Variants in ERC2 observed in about 807,000 individuals in gnomAD.
The protein encoded by ERC2 is ELKS/RAB6-interacting/CAST family member 2.
Under a neutral mutation model 114.8 loss-of-function variants are expected in ERC2, and 42 were observed. The observed-to-expected ratio is 0.37, with a 90% confidence interval of 0.29 to 0.47. The LOEUF is 0.47. Among genes scored for constraint, ERC2 ranks in the 20% least tolerant of loss-of-function variants. ERC2 has a pLI of 0.99. For synonymous variants in ERC2, 454 were observed against 425.5 expected, an observed-to-expected ratio of 1.07 and a Z score of -0.82; for missense variants, 939 against 1,150.7, an observed-to-expected ratio of 0.82 and a Z score of 2.66.
At chr3:55,947,986 A>T (rs2067242322) in intron 13 of ERC2, among the ~76,000 whole-genome samples, 1 of 152,192 alleles carries the variant, frequency 6.6e-6, no homozygotes, top group Admixed American at 6.5e-5. Context: ...AATAAAGAAG[A>T]CTGGATTTGT....
At chr3:55,960,727 C>T (rs75531556) in intron 12 of ERC2, among the ~76,000 whole-genome samples, 5,137 of 152,288 alleles carry the variant, frequency 0.034, 164 homozygotes, top group African/African-American at 0.084. Context: ...GACGAGGATG[C>T]TGGCTCCAAT....
chr3:56,413,462 A>T (rs1196418852), intron 2 of ERC2, among the ~76,000 whole-genome samples: 2 of 152,182 alleles, frequency 1.3e-5, no homozygotes, highest in Non-Finnish European at 2.9e-5. Flanking sequence ...TGGAGGGAGT[A>T]GCAAGCTTCC....
chr3:55,818,048 G>A (rs2059973396), intron 14 of ERC2, among the ~76,000 whole-genome samples: 1 of 152,098 alleles, frequency 6.6e-6, no homozygotes, highest in Admixed American at 6.6e-5. Flanking sequence ...CCTCACTTCT[G>A]GGGGATCATA....
At chr3:56,007,617 A>G (rs1324008703) in intron 9 of ERC2, among the ~76,000 whole-genome samples, 1 of 152,100 alleles carries the variant, frequency 6.6e-6, no homozygotes, top group Non-Finnish European at 1.5e-5. Flanking sequence ...GGTGGTCTTT[A>G]CATGTCATAG....
At chr3:56,325,792 C>T (rs939554937) in intron 2 of ERC2, among the ~76,000 whole-genome samples, 2 of 152,182 alleles carry the variant, frequency 1.3e-5, no homozygotes, top group Non-Finnish European at 2.9e-5. Flanking sequence ...TGATTACCAT[C>T]CCCTTTCTAC....
At chr3:55,756,891 T>C (rs1041655810) in intron 14 of ERC2, among the ~76,000 whole-genome samples, 3 of 152,074 alleles carry the variant, frequency 2.0e-5, no homozygotes, top group African/African-American at 7.2e-5. Context: ...TGCTTTTATC[T>C]CTGATTTTAA....
intron 14 of ERC2, among the ~76,000 whole-genome samples, chr3:55,845,023 C>T (rs1344857962): frequency 6.6e-6 from 1 of 152,126 alleles, no homozygotes. Context: ...ACCCAGGTTC[C>T]TCATGAGACA....
At chr3:56,109,056 G>T (rs2078819710) in intron 6 of ERC2, among the ~76,000 whole-genome samples, 1 of 152,036 alleles carries the variant, frequency 6.6e-6, no homozygotes, top group African/African-American at 2.4e-5. Context: ...TACATGTGCA[G>T]GTTTGTTATA....
At chr3:56,086,897 G>A (rs1024189224) in intron 6 of ERC2, among the ~76,000 whole-genome samples, 6 of 151,986 alleles carry the variant, frequency 3.9e-5, no homozygotes, top group African/African-American at 1.5e-4. Flanking sequence ...ACCTTTCTCT[G>A]CCTCTTCACT....
chr3:56,150,353 G>A (rs947771723), intron 4 of ERC2, among the ~76,000 whole-genome samples: 1 of 151,956 alleles, frequency 6.6e-6, no homozygotes, highest in Non-Finnish European at 1.5e-5. Context: ...TATCTCCTAT[G>A]GCAATATAGT....
chr3:55,808,743 A>AG (rs2059598300), intron 14 of ERC2, among the ~76,000 whole-genome samples: 1 of 97,890 alleles, frequency 1.0e-5, no homozygotes, highest in Non-Finnish European at 2.0e-5. Context: ...ATATATATAT[A>AG]ACGTATAACT....
intron 17 of ERC2, among the ~76,000 whole-genome samples, chr3:55,587,631 C>T (rs2107592401): frequency 6.6e-6 from 1 of 152,290 alleles, no homozygotes; most frequent in South Asian, 2.1e-4. Context: ...TTAAACTTGC[C>T]TACTTACTGC....
intron 6 of ERC2, among the ~76,000 whole-genome samples, chr3:56,088,383 A>T (rs1425491336): frequency 1.3e-5 from 2 of 152,146 alleles, no homozygotes; most frequent in African/African-American, 4.8e-5. Flanking sequence ...GAATCTAAAG[A>T]ATTAGGGCTA....
At chr3:55,584,960 G>C (rs796083394) in intron 17 of ERC2, among the ~76,000 whole-genome samples, 1 of 152,278 alleles carries the variant, frequency 6.6e-6, no homozygotes, top group South Asian at 2.1e-4. Flanking sequence ...CAAAATACCC[G>C]GGGAGTTACA....
intron 3 of ERC2, among the ~76,000 whole-genome samples, chr3:56,182,217 G>T (rs1262890715): frequency 6.6e-6 from 1 of 152,072 alleles, no homozygotes; most frequent in Non-Finnish European, 1.5e-5. Flanking sequence ...ACTGAACATG[G>T]CCACAATTTT....
At chr3:55,884,781 C>A (rs891161366) in intron 14 of ERC2, among the ~76,000 whole-genome samples, 1 of 152,064 alleles carries the variant, frequency 6.6e-6, no homozygotes, top group African/African-American at 2.4e-5. Context: ...AAACTCTGTG[C>A]CATTTGGTTT....
At chr3:55,650,997 G>A (rs2060597717) in intron 17 of ERC2, among the ~76,000 whole-genome samples, 1 of 145,544 alleles carries the variant, frequency 6.9e-6, no homozygotes, top group Non-Finnish European at 1.5e-5. Context: ...ACAGGCATCC[G>A]CCATCACACC....
intron 3 of ERC2, among the ~76,000 whole-genome samples, chr3:56,247,924 A>G (rs1399720105): frequency 2.0e-5 from 3 of 152,354 alleles, no homozygotes; most frequent in Non-Finnish European, 4.4e-5. Flanking sequence ...TTAACATGCT[A>G]TCTGAAACAC....
intron 4 of ERC2, among the ~76,000 whole-genome samples, chr3:56,163,989 T>C (rs2082191906): frequency 6.6e-6 from 1 of 152,110 alleles, no homozygotes; most frequent in Non-Finnish European, 1.5e-5. Context: ...TGTGTTTTTG[T>C]GGCAGCAGGT....
Sources: gnomAD v4.1 joint callset for allele counts (sites outside exome capture counted in the v4.1 genomes callset) on GRCh38, gnomAD v4.1.1 for gene constraint, MANE v1.5 for transcripts, NCBI Gene and HGNC (gene_info 2026-07-23, HGNC 2026-07-21) for gene names.